The following RYR3 variants were observed in gnomAD, a reference collection of about 807,000 sequenced individuals.
RYR3 encodes the protein ryanodine receptor 3.
In RYR3, 207 loss-of-function variants were observed where a neutral mutation model predicts 584.3. The observed-to-expected ratio is 0.35, with a 90% confidence interval of 0.32 to 0.40. RYR3 has a LOEUF of 0.40. Among genes scored for constraint, RYR3 ranks in the 10% least tolerant of loss-of-function variants. RYR3 has a pLI of 1.00. For missense variants in RYR3, 5,616 were observed against 6,089.2 expected (o/e 0.92, Z 2.59); for synonymous variants, 2,416 against 2,248.5 (o/e 1.07, Z -2.11).
chr15:33,552,589 C>T (rs1216068163), intron 10 of RYR3, among the ~76,000 whole-genome samples: 3 of 152,208 alleles, frequency 2.0e-5, no homozygotes, highest in Non-Finnish European at 4.4e-5. Flanking sequence ...AACCTAGCTA[C>T]CTTCATTTCA....
At chr15:33,449,432 C>G (rs1044899874) in intron 1 of RYR3, among the ~76,000 whole-genome samples, 2 of 152,184 alleles carry the variant, frequency 1.3e-5, no homozygotes, top group Admixed American at 6.5e-5. Context: ...CATCGTGAAT[C>G]AAGCCACTAG....
intron 11 of RYR3, among the ~76,000 whole-genome samples, chr15:33,563,613 G>A (rs1046153474): frequency 2.0e-5 from 3 of 152,154 alleles, no homozygotes; most frequent in Non-Finnish European, 4.4e-5. Context: ...AATAATGGAT[G>A]TCAAAGATGT....
intron 38 of RYR3, among the ~76,000 whole-genome samples, chr15:33,676,085 C>T (rs1354485786): frequency 1.3e-5 from 2 of 151,942 alleles, no homozygotes; most frequent in Non-Finnish European, 2.9e-5. Context: ...CAGGAAATCT[C>T]GATTATTGGA....
intron 32 of RYR3, among the ~76,000 whole-genome samples, chr15:33,656,447 G>C (rs920619411): frequency 1.3e-5 from 2 of 152,074 alleles, no homozygotes; most frequent in Non-Finnish European, 2.9e-5. Context: ...AGTATGTGTT[G>C]CCAGACTGAC....
chr15:33,431,239 A>T (rs965152623), intron 1 of RYR3, among the ~76,000 whole-genome samples: 1 of 152,194 alleles, frequency 6.6e-6, no homozygotes, highest in African/African-American at 2.4e-5. Context: ...TCCCATATCC[A>T]TGGGAAACCA....
chr15:33,854,957 C>A (rs200709969), intron 98 of RYR3, 45 bp downstream of exon 98: 1 of 1,533,822 alleles, frequency 6.5e-7, no homozygotes, highest in Non-Finnish European at 8.8e-7. Flanking sequence ...TGTATATGCA[C>A]AGGAAAAAAA....
intron 59 of RYR3, among the ~76,000 whole-genome samples, chr15:33,756,965 G>A (rs1354750415): frequency 6.6e-6 from 1 of 152,168 alleles, no homozygotes; most frequent in Non-Finnish European, 1.5e-5. Context: ...TTCTGCCTGG[G>A]TGGCTCTCTA....
rs539430926 is a variant in RYR3, at chr15:33,447,737, C to G, written c.52-25682C>G. 1.5e-3 allele frequency among the ~76,000 whole-genome samples: 228 copies of G among 152,328 alleles called. 1 individual carries two copies. Among genetic ancestry groups the G allele is most frequent in the African/African-American group, 5.4e-3 (226 of 41,570 alleles). The stretch of plus-strand genomic sequence containing the variant: ...ACATTTCAAGGGCTCAATAGCCACA[C>G]ATGACTAGTGGCCACAGAGTACGGA... On this transcript the variant is annotated intron_variant, in intron 1 of 103. Transcript: ENST00000634891.
intron 1 of RYR3, among the ~76,000 whole-genome samples, chr15:33,398,237 C>T (rs2676068): frequency 2.0e-5 from 3 of 152,140 alleles, no homozygotes; most frequent in African/African-American, 7.2e-5. Context: ...CGTGTAAGGT[C>T]AATGGTCAAA....
chr15:33,725,202 C>CACACACACACACAT (rs1391087187), intron 45 of RYR3, among the ~76,000 whole-genome samples: 3 of 111,004 alleles, frequency 2.7e-5, no homozygotes, highest in African/African-American at 9.3e-5. Flanking sequence ...CACACACACA[C>CACACACACACACAT]ATATATACAT....
intron 1 of RYR3, among the ~76,000 whole-genome samples, chr15:33,349,647 G>T (rs1170923304): frequency 6.7e-6 from 1 of 149,402 alleles, no homozygotes; most frequent in African/African-American, 2.5e-5. Flanking sequence ...ACAATGTGCA[G>T]GTTCGTTACA....
intron 86 of RYR3, among the ~76,000 whole-genome samples, chr15:33,833,118 G>A (rs755643265): frequency 7.9e-5 from 12 of 152,116 alleles, no homozygotes; most frequent in Non-Finnish European, 1.5e-4. Flanking sequence ...AGAAGTTAGA[G>A]ATAGGATTAT....
chr15:33,613,564 C>G (rs1595836279), intron 19 of RYR3, among the ~76,000 whole-genome samples, 189 bp downstream of exon 19: 1 of 152,204 alleles, frequency 6.6e-6, no homozygotes, highest in Non-Finnish European at 1.5e-5. Context: ...GAACCTCCCC[C>G]AGGGGTTGTA....
At chr15:33,795,937 G>T (rs1439816973) in intron 67 of RYR3, among the ~76,000 whole-genome samples, 3 of 152,154 alleles carry the variant, frequency 2.0e-5, no homozygotes. Flanking sequence ...GATTTTTGGT[G>T]AAAACCTATC....
At chr15:33,393,218 T>A (rs1019642777) in intron 1 of RYR3, among the ~76,000 whole-genome samples, 1 of 152,228 alleles carries the variant, frequency 6.6e-6, no homozygotes, top group Non-Finnish European at 1.5e-5. Context: ...ATATAACAGC[T>A]GACTTGAGTT....
At chr15:33,523,755 G>T (rs1161441177) in intron 3 of RYR3, among the ~76,000 whole-genome samples, 1 of 152,142 alleles carries the variant, frequency 6.6e-6, no homozygotes, top group African/African-American at 2.4e-5. Context: ...GGGACAGTCA[G>T]AGGAGCCACT....
At chr15:33,321,998 C>T (rs1218390927) in intron 1 of RYR3, among the ~76,000 whole-genome samples, 3 of 152,152 alleles carry the variant, frequency 2.0e-5, no homozygotes, top group African/African-American at 4.8e-5. Context: ...ATTTTATCAC[C>T]ATTTGCTGCT....
In RYR3 at chr15:33,657,173, G is replaced by A. The variant is rs144759736; in HGVS notation, c.4309-2547G>A. On this transcript the variant is annotated intron_variant, in intron 32 of 103. Coordinates refer to ENST00000634891, the MANE Select transcript of RYR3 (RefSeq NM_001036.6). The stretch of plus-strand genomic sequence containing the variant: ...TTTATCATGTGAGACTATACTCTGC[G>A]TGGTGGAAAATAAACCTATCCCAGG... Among the ~76,000 whole-genome samples, 343 of 152,204 alleles carry A rather than the reference G, an allele frequency of 2.3e-3. 1 individual carries two copies. The highest frequency in any genetic ancestry group is 4.2e-3 in the Non-Finnish European group (286 of 68,014).
chr15:33,461,265 C>T (rs1284669204), intron 1 of RYR3, among the ~76,000 whole-genome samples: 1 of 152,030 alleles, frequency 6.6e-6, no homozygotes, highest in East Asian at 1.9e-4. Flanking sequence ...AACTTTTAAC[C>T]ACAGACTAGA....
Sources: allele counts gnomAD v4.1 joint callset (sites outside exome capture counted in the v4.1 genomes callset), GRCh38; gene constraint gnomAD v4.1.1; transcripts MANE v1.5; gene names NCBI Gene and HGNC (gene_info 2026-07-23, HGNC 2026-07-21).